Variants in UVSSA observed in about 807,000 individuals in gnomAD.
UVSSA encodes UV-stimulated scaffold protein A.
In UVSSA, 72 loss-of-function variants were observed where a neutral mutation model predicts 73.9. That is an observed-to-expected ratio of 0.97 (90% CI 0.81 to 1.19). The LOEUF is 1.19. Among genes scored for constraint, UVSSA ranks in the 50% most tolerant of loss-of-function variants. The pLI is 0.00. For synonymous variants in UVSSA, 454 were observed against 391.3 expected (o/e 1.16, Z -1.89); for missense variants, 1,150 against 965.0 (o/e 1.19, Z -2.54).
chr4:1,356,924 A>G (rs1174298246), intron 7 of UVSSA: 2 of 152,926 alleles, frequency 1.3e-5, no homozygotes, highest in African/African-American at 4.8e-5. Context: ...GTCTGCAGAC[A>G]GTTTTGTCTG....
chr4:1,360,041 G>C (rs925467035), intron 7 of UVSSA, among the ~76,000 whole-genome samples: 1 of 152,230 alleles, frequency 6.6e-6, no homozygotes, highest in Non-Finnish European at 1.5e-5. Flanking sequence ...GGCAGGGGAG[G>C]AGGGACCTAA....
At chr4:1,357,419 C>G (rs940588662) in intron 7 of UVSSA, among the ~76,000 whole-genome samples, 14 of 152,372 alleles carry the variant, frequency 9.2e-5, no homozygotes, top group African/African-American at 3.4e-4. Flanking sequence ...CTGGTGCTAC[C>G]CCTGCCTGCA....
At chr4:1,353,718 G>T (rs953089672) in intron 5 of UVSSA, among the ~76,000 whole-genome samples, 1 of 152,154 alleles carries the variant, frequency 6.6e-6, no homozygotes, top group Non-Finnish European at 1.5e-5. Flanking sequence ...AGGCTGTTGC[G>T]GTCCTCAAAG....
rs761796439 is a variant in UVSSA, at chr4:1,380,173, C to A, written c.1695C>A (p.His565Gln). Residue 565 changes from histidine (H) to glutamine (Q), a missense_variant, in exon 11 of 14, where the codon CAC (histidine) becomes CAA (glutamine). Coordinates refer to ENST00000389851, the MANE Select transcript of UVSSA (RefSeq NM_020894.4). ...CCGGGAAGTTTGAGCCTGTGCAGCA[C>A]TGGTGCCGTGCCCCGAGGCCAGACG... ...TFAGKFEPVQ[H>Q]WCRAPRPDGR... 6.2e-7 allele frequency: 1 copy of A among 1,613,080 alleles called. No individual in the cohort carries two copies. Among genetic ancestry groups the A allele is most frequent in the South Asian group, 1.1e-5 (1 of 91,086 alleles).
intron 5 of UVSSA, among the ~76,000 whole-genome samples, chr4:1,354,113 C>G (rs561728167): frequency 6.6e-6 from 1 of 152,216 alleles, no homozygotes; most frequent in African/African-American, 2.4e-5. Context: ...AGGAGGCAGC[C>G]GGGCTGGGAA....
At chr4:1,381,437 C>T (rs1457109789) in intron 12 of UVSSA, among the ~76,000 whole-genome samples, 1 of 152,216 alleles carries the variant, frequency 6.6e-6, no homozygotes, top group Admixed American at 6.5e-5. Context: ...GTCCAGGAGG[C>T]GTGTGGCCAC....
At chr4:1,380,607 G>A (rs1333600560) in intron 11 of UVSSA, 2 of 1,490,184 alleles carry the variant, frequency 1.3e-6, no homozygotes, top group African/African-American at 1.4e-5. Flanking sequence ...GTGCAGGGGG[G>A]TCGCTATGGC....
chr4:1,358,249 C>T (rs1278307056), intron 7 of UVSSA, among the ~76,000 whole-genome samples: 1 of 152,244 alleles, frequency 6.6e-6, no homozygotes, highest in Non-Finnish European at 1.5e-5. Flanking sequence ...CCAGGACTGA[C>T]AGTGCTTGGA....
intron 7 of UVSSA, among the ~76,000 whole-genome samples, chr4:1,356,065 C>A (rs1387158745): frequency 6.6e-6 from 1 of 152,184 alleles, no homozygotes; most frequent in African/African-American, 2.4e-5. Context: ...TGAGCTCCCA[C>A]AGCAGTGCTG....
intron 10 of UVSSA, 68 bp from the exon 11 acceptor site, chr4:1,379,979 G>A: frequency 6.6e-7 from 1 of 1,511,094 alleles, no homozygotes; most frequent in Non-Finnish European, 8.9e-7. Context: ...CCCTGTGCCT[G>A]CACCACCGTG....
At chr4:1,391,909 T>G (rs1228290423), downstream of UVSSA, 1 of 152,234 alleles carries the variant, frequency 6.6e-6, no homozygotes, top group Non-Finnish European at 1.5e-5. Context: ...AGAGGGATGT[T>G]TAATCCATTT....
intron 8 of UVSSA, among the ~76,000 whole-genome samples, chr4:1,367,831 C>G (rs1363081742): frequency 6.6e-6 from 1 of 151,996 alleles, no homozygotes; most frequent in Non-Finnish European, 1.5e-5. Context: ...GCTGTGCCCT[C>G]ATCGGGCTTC....
intron 7 of UVSSA, among the ~76,000 whole-genome samples, chr4:1,365,078 G>A (rs945988727): frequency 6.6e-6 from 1 of 152,232 alleles, no homozygotes; most frequent in Non-Finnish European, 1.5e-5. Context: ...CCGCTTCTGA[G>A]CGCGTGGATG....
intron 11 of UVSSA, 187 bp from the exon 12 acceptor site, chr4:1,380,693 C>A: frequency 6.5e-7 from 1 of 1,542,218 alleles, no homozygotes; most frequent in Non-Finnish European, 8.8e-7. Context: ...ACGGAGCCAT[C>A]CCCACGTCCC....
At chr4:1,356,695 C>T (rs1041919371) in intron 7 of UVSSA, 1 of 152,278 alleles carries the variant, frequency 6.6e-6, no homozygotes, top group African/African-American at 2.4e-5. Context: ...AGGACCGGGC[C>T]CCTATGCCAG....
At chr4:1,366,278 C>T in intron 7 of UVSSA, 42 bp from the exon 8 acceptor site, 1 of 1,502,098 alleles carries the variant, frequency 6.7e-7, no homozygotes, top group Non-Finnish European at 9.1e-7. Flanking sequence ...TGTTCATACA[C>T]AGGGTCTGGG....
chr4:1,370,196 G>A (rs1049684662), intron 8 of UVSSA, among the ~76,000 whole-genome samples: 5 of 152,188 alleles, frequency 3.3e-5, no homozygotes, highest in Admixed American at 6.5e-5. Flanking sequence ...TTTTGGCTGC[G>A]ATTGTATCTA....
intron 8 of UVSSA, among the ~76,000 whole-genome samples, chr4:1,369,444 C>T (rs1252718177): frequency 6.6e-6 from 1 of 152,254 alleles, no homozygotes; most frequent in East Asian, 1.9e-4. Context: ...AGTTTATATT[C>T]TGCCGCTGTT....
At chr4:1,351,961 A>T in intron 4 of UVSSA, 126 bp downstream of exon 4, 2 of 1,444,944 alleles carry the variant, frequency 1.4e-6, no homozygotes, top group Non-Finnish European at 1.9e-6. Flanking sequence ...CTAGGTGGAG[A>T]GGATTCAGGT....
Sources: allele counts gnomAD v4.1 joint callset (sites outside exome capture counted in the v4.1 genomes callset), GRCh38; gene constraint gnomAD v4.1.1; transcripts MANE v1.5; gene names NCBI Gene and HGNC (gene_info 2026-07-23, HGNC 2026-07-21).